LHFPL3: variants seen among roughly 807,000 people sequenced by gnomAD.
The protein encoded by LHFPL3 is LHFPL tetraspan subfamily member 3.
LHFPL3 carries 5 observed loss-of-function variants against 19.3 expected under a neutral mutation model. The ratio of observed to expected loss-of-function variants is 0.26; its 90% CI spans 0.14 to 0.54. The LOEUF (loss-of-function observed/expected upper bound fraction) is 0.54, where lower values mean the gene tolerates loss of function less well. Among genes scored for constraint, LHFPL3 ranks in the 20% least tolerant of loss-of-function variants. The probability of loss-of-function intolerance (pLI) is 0.94; values close to 1 mark genes in which losing one functional copy is unlikely to be tolerated. For missense variants in LHFPL3, 249 were observed against 307.4 expected (o/e 0.81, Z 1.42); for synonymous variants, 133 against 126.2 (o/e 1.05, Z -0.36).
At chr7:104,757,031 T>C (rs1794298724) in intron 2 of LHFPL3, among the ~76,000 whole-genome samples, 1 of 152,114 alleles carries the variant, frequency 6.6e-6, no homozygotes, top group African/African-American at 2.4e-5. Context: ...AAGAAAGTGA[T>C]AGGGTACCCC....
chr7:104,670,871 T>G (rs112696952), intron 1 of LHFPL3, among the ~76,000 whole-genome samples: 7,274 of 152,000 alleles, frequency 0.048, 258 homozygotes, highest in Non-Finnish European at 0.075. Flanking sequence ...GTTTTGTTTT[T>G]TTTTTTTTAA....
At chr7:104,405,974 A>G (rs1394650231) in intron 1 of LHFPL3, among the ~76,000 whole-genome samples, 1 of 152,244 alleles carries the variant, frequency 6.6e-6, no homozygotes. Flanking sequence ...TTAAACAGGT[A>G]AATAAGTGAT....
In LHFPL3 at chr7:104,355,863, A is replaced by G. The variant is rs1248458139; in HGVS notation, c.445+26639A>G. 3.3e-5 allele frequency among the ~76,000 whole-genome samples: 5 copies of G among 152,380 alleles called. No individual in the cohort carries two copies. The South Asian group carries it at 8.3e-4, about 25-fold the overall frequency. On this transcript the variant is annotated intron_variant, in intron 1 of 2. Coordinates refer to ENST00000424859, the MANE Select transcript of LHFPL3 (RefSeq NM_199000.3). ...TCTTTAAATCTGTTGTCAGTCTGAC[A>G]TAAGGATTAGTTAATGTATTTTATG...
chr7:104,833,269 A>ATATATATAATAGGATATATATATAT, intron 2 of LHFPL3, among the ~76,000 whole-genome samples: 1 of 67,458 alleles, frequency 1.5e-5, no homozygotes, highest in Non-Finnish European at 2.6e-5. Context: ...CTAATAGGAT[A>ATATATATAATAGGATATATATATAT]TATATATAAT....
At chr7:104,862,822 C>T (rs1413882389) in intron 2 of LHFPL3, among the ~76,000 whole-genome samples, 1 of 152,318 alleles carries the variant, frequency 6.6e-6, no homozygotes, top group African/African-American at 2.4e-5. Flanking sequence ...ACATTCATTC[C>T]ACGGGAGAGT....
chr7:104,560,666 T>C (rs981622479), intron 1 of LHFPL3, among the ~76,000 whole-genome samples: 4 of 151,310 alleles, frequency 2.6e-5, no homozygotes, highest in African/African-American at 4.9e-5. Context: ...AAGAGTTTTT[T>C]GTGTCTCTAT....
At chr7:104,430,397 TATATATAC>T (rs1268499403) in intron 1 of LHFPL3, among the ~76,000 whole-genome samples, 7 of 43,210 alleles carry the variant, frequency 1.6e-4, no homozygotes, top group African/African-American at 7.6e-4. Context: ...TATATATATA[TATATATAC>T]ATATATATAT....
At chr7:104,877,269 A>C (rs1020176514) in intron 2 of LHFPL3, among the ~76,000 whole-genome samples, 1 of 135,316 alleles carries the variant, frequency 7.4e-6, no homozygotes, top group Non-Finnish European at 1.6e-5. Context: ...TAGAACTTAA[A>C]GTATAATAAA....
chr7:104,684,995 G>T (rs572909915), intron 1 of LHFPL3, among the ~76,000 whole-genome samples: 1 of 152,296 alleles, frequency 6.6e-6, no homozygotes, highest in East Asian at 1.9e-4. Flanking sequence ...GATTATCTCA[G>T]ATTATCCTGC....
At chr7:104,376,139 C>T (rs564222559) in intron 1 of LHFPL3, among the ~76,000 whole-genome samples, 335 of 152,284 alleles carry the variant, frequency 2.2e-3, no homozygotes, top group Middle Eastern at 0.01. Flanking sequence ...AGAACATGAA[C>T]AATACTGTTG....
intron 1 of LHFPL3, among the ~76,000 whole-genome samples, chr7:104,462,879 T>C (rs1448881979): frequency 1.3e-5 from 2 of 152,160 alleles, no homozygotes; most frequent in Non-Finnish European, 2.9e-5. Flanking sequence ...TGGGGTTTTT[T>C]TTGGTTAGTA....
intron 1 of LHFPL3, among the ~76,000 whole-genome samples, chr7:104,371,494 C>CT (rs1234761297): frequency 1.3e-5 from 2 of 152,198 alleles, no homozygotes; most frequent in Non-Finnish European, 2.9e-5. Context: ...CTCATTCCTA[C>CT]TTTTTAGATT....
chr7:104,523,346 A>T (rs1460293783), intron 1 of LHFPL3, among the ~76,000 whole-genome samples: 1 of 152,196 alleles, frequency 6.6e-6, no homozygotes, highest in Non-Finnish European at 1.5e-5. Flanking sequence ...ATCTGAAAAG[A>T]GTGTTTTCAA....
At chr7:104,411,774 C>T (rs1050263228) in intron 1 of LHFPL3, among the ~76,000 whole-genome samples, 29 of 152,008 alleles carry the variant, frequency 1.9e-4, no homozygotes, top group Admixed American at 1.8e-3. Context: ...GAAATATGTT[C>T]GCTTTAGAAG....
chr7:104,408,800 C>A (rs963848425), intron 1 of LHFPL3, among the ~76,000 whole-genome samples: 3 of 151,214 alleles, frequency 2.0e-5, no homozygotes, highest in Non-Finnish European at 4.4e-5. Context: ...CAATGTCTGC[C>A]TTTTTGCTAG....
chr7:104,853,722 C>G (rs778387530), intron 2 of LHFPL3, among the ~76,000 whole-genome samples: 1 of 152,164 alleles, frequency 6.6e-6, no homozygotes, highest in African/African-American at 2.4e-5. Flanking sequence ...TTTAATGGCA[C>G]TTTTTCCTGC....
chr7:104,725,448 CT>C (rs1359221138), intron 1 of LHFPL3, among the ~76,000 whole-genome samples: 4 of 151,982 alleles, frequency 2.6e-5, no homozygotes, highest in Admixed American at 6.6e-5. Context: ...ATTCAGTTTT[CT>C]TTTTTTCTTT....
At position 104,561,525 on chromosome 7, in the gene LHFPL3, CA is replaced by C. The variant is rs1343299235; in HGVS notation, c.446-175149del. 5.3e-5 allele frequency among the ~76,000 whole-genome samples: 8 copies of C among 150,470 alleles called. No individual in the cohort carries two copies. The East Asian group carries it at 1.6e-3, about 29-fold the overall frequency. On this transcript the variant is annotated intron_variant, in intron 1 of 2. Transcript: ENST00000424859. ...GCAACCCCTGCCTTTTTTTGTTTTC[CA>C]TTGGCTTGGTAGATCTTCCTCCATC...
At chr7:104,670,803 A>G (rs955296593) in intron 1 of LHFPL3, among the ~76,000 whole-genome samples, 2 of 150,776 alleles carry the variant, frequency 1.3e-5, no homozygotes, top group Non-Finnish European at 2.9e-5. Context: ...TTCCTTCTCC[A>G]CTGAAATGCC....
Sources: allele counts gnomAD v4.1 joint callset (sites outside exome capture counted in the v4.1 genomes callset), GRCh38; gene constraint gnomAD v4.1.1; transcripts MANE v1.5; gene names NCBI Gene and HGNC (gene_info 2026-07-23, HGNC 2026-07-21).